Variants in AIG1 observed in about 807,000 individuals in gnomAD.
AIG1 encodes androgen induced 1.
Under a neutral mutation model 31.4 loss-of-function variants are expected in AIG1, and 23 were observed. That is an observed-to-expected ratio of 0.73 (90% CI 0.53 to 1.04). The LOEUF is 1.04. Ranked by LOEUF, AIG1 falls within the 50% of genes least tolerant of loss-of-function variation. The pLI, the probability that AIG1 is intolerant of heterozygous loss-of-function variation, is 0.00. For missense variants in AIG1, 274 were observed against 295.0 expected (o/e 0.93, Z 0.52); for synonymous variants, 100 against 110.5 (o/e 0.90, Z 0.60).
chr6:143,060,194 G>A (rs1330926687), upstream of AIG1, among the ~76,000 whole-genome samples: 1 of 152,182 alleles, frequency 6.6e-6, no homozygotes, highest in Non-Finnish European at 1.5e-5. Flanking sequence ...AATCTGTCAT[G>A]GAAAAGTGCT....
Position 143,061,117 on chromosome 6 carries a change from CGTGTGT to C in AIG1, c.141+77_141+82del, listed in dbSNP as rs138059311. ...GCCCCGCACCCCGTGCCTGTGTGTG[CGTGTGT>C]GTGTGTGTGTGTGTGTGTGTGTGTG... On this transcript the variant is annotated intron_variant, in intron 1 of 5. Transcript: ENST00000357847. The C allele has an allele frequency of 2.2e-3, 3,035 of 1,407,100 alleles. 9 individuals are homozygous for C. Among genetic ancestry groups the C allele is most frequent in the African/African-American group, 0.017 (1,195 of 68,754 alleles). The allele number at this position is 1,407,100 out of a possible 1,614,324, so 87.2% of individuals were successfully genotyped here. A position where few individuals can be genotyped will look rare whatever the true frequency, so the allele number is the denominator to read the frequency against.
intron 1 of AIG1, among the ~76,000 whole-genome samples, chr6:143,076,487 C>G (rs1777737281): frequency 6.6e-6 from 1 of 151,992 alleles, no homozygotes; most frequent in South Asian, 2.1e-4. Context: ...TTGTAGATAA[C>G]ATATAGTTGC....
Position 143,066,636 on chromosome 6 carries a change from G to A in AIG1, c.141+5570G>A, listed in dbSNP as rs567839383. 1.9e-3 allele frequency among the ~76,000 whole-genome samples: 290 copies of A among 152,234 alleles called. 2 individuals are homozygous for A. Among genetic ancestry groups the A allele is most frequent in the African/African-American group, 6.5e-3 (272 of 41,546 alleles). On this transcript the variant is annotated intron_variant, in intron 1 of 5. Transcript: ENST00000357847. ...TTTCACTGTGATATAACAAAAAAAT[G>A]TAAGAAATTACAATTTGAAAATAAA...
At chr6:143,115,528 T>C (rs944484556) in intron 1 of AIG1, among the ~76,000 whole-genome samples, 26 of 152,234 alleles carry the variant, frequency 1.7e-4, no homozygotes, top group African/African-American at 6.3e-4. Flanking sequence ...AAGCACTGCA[T>C]TGACTTTAAG....
chr6:143,096,695 A>C (rs981270129), intron 1 of AIG1, among the ~76,000 whole-genome samples: 1 of 152,218 alleles, frequency 6.6e-6, no homozygotes, highest in Non-Finnish European at 1.5e-5. Flanking sequence ...TGTCATGCTG[A>C]TATGGATGGC....
chr6:143,211,766 G>T (rs867469549), intron 3 of AIG1, among the ~76,000 whole-genome samples: 2 of 151,984 alleles, frequency 1.3e-5, no homozygotes, highest in African/African-American at 4.8e-5. Context: ...GGTGGCACAC[G>T]CTTGTAAGCC....
rs542809432 is a variant in AIG1 at position 143,279,775 on chromosome 6, A to G, written c.400-4335A>G. Among the ~76,000 whole-genome samples, 20 of 152,278 alleles carry G rather than the reference A, an allele frequency of 1.3e-4. No homozygotes were observed. The highest frequency in any genetic ancestry group is 4.6e-4 in the African/African-American group (19 of 41,564). On this transcript the variant is annotated intron_variant, in intron 3 of 5. Transcript: ENST00000357847. The surrounding 1 kb of genome is among the most constrained non-coding windows in gnomAD (Gnocchi z 5.4). The stretch of plus-strand genomic sequence containing the variant: ...ATTTAGGCTTCGTTTTTTGGACACA[A>G]TCTTCCAAATGATAGCTCCTCATTA...
intron 3 of AIG1, among the ~76,000 whole-genome samples, chr6:143,269,077 C>T (rs543664381): frequency 1.3e-5 from 2 of 152,296 alleles, no homozygotes; most frequent in East Asian, 1.9e-4. Flanking sequence ...CATTGCAAGG[C>T]CATACCTTCC....
chr6:143,340,034 T>C lies in AIG1; in HGVS notation c.*358T>C, dbSNP rs965252240. On this transcript the variant is annotated 3_prime_UTR_variant, in exon 6 of 6. Transcript: ENST00000357847. ...ATTGCACTTCTTTTTGAGAAATATGTTAAAGTCAAAGGGGCATATATAGAG... is the reference window on the plus strand; with the variant it reads ...ATTGCACTTCTTTTTGAGAAATATGCTAAAGTCAAAGGGGCATATATAGAG... 2 of 188,526 alleles carry C rather than the reference T, an allele frequency of 1.1e-5. No individual in the cohort carries two copies. Among genetic ancestry groups the C allele is most frequent in the Non-Finnish European group, 2.2e-5 (2 of 92,520 alleles). The allele number at this position is 188,526 out of a possible 1,614,324, so 11.7% of individuals were successfully genotyped here.
intron 5 of AIG1, chr6:143,335,592 A>G (rs1213711010): frequency 6.6e-6 from 1 of 152,188 alleles, no homozygotes. Flanking sequence ...GCTTCTTAGG[A>G]AATATTTTAA....
chr6:143,287,977 A>T (rs1182023427), intron 4 of AIG1, among the ~76,000 whole-genome samples: 1 of 152,184 alleles, frequency 6.6e-6, no homozygotes, highest in East Asian at 1.9e-4. Context: ...TAATTATAAA[A>T]GAATGATTAG....
At chr6:143,321,740 T>G (rs754279960) in intron 4 of AIG1, among the ~76,000 whole-genome samples, 3 of 152,094 alleles carry the variant, frequency 2.0e-5, no homozygotes, top group Non-Finnish European at 2.9e-5. Flanking sequence ...TATAAACATT[T>G]TAGAACTTTT....
At chr6:143,274,949 G>T (rs1227514229) in intron 3 of AIG1, among the ~76,000 whole-genome samples, 1 of 152,228 alleles carries the variant, frequency 6.6e-6, no homozygotes, top group Non-Finnish European at 1.5e-5. Flanking sequence ...TCAGTAAATG[G>T]TAGCTATTAT....
intron 3 of AIG1, among the ~76,000 whole-genome samples, chr6:143,257,063 G>A (rs1273617016): frequency 1.3e-5 from 2 of 152,202 alleles, no homozygotes; most frequent in Non-Finnish European, 2.9e-5. Flanking sequence ...GATATCTTAT[G>A]GCTTTCCAGT....
At chr6:143,080,355 C>G (rs1030685991) in intron 1 of AIG1, among the ~76,000 whole-genome samples, 22 of 152,116 alleles carry the variant, frequency 1.4e-4, no homozygotes, top group Non-Finnish European at 1.3e-4. Context: ...TTTGAAGAAC[C>G]ATTTGTAGTT....
intron 4 of AIG1, among the ~76,000 whole-genome samples, chr6:143,295,945 A>T (rs1798394940): frequency 6.6e-6 from 1 of 152,170 alleles, no homozygotes; most frequent in South Asian, 2.1e-4. Flanking sequence ...TTCTTTAGAC[A>T]TTACATCAAT....
chr6:143,170,232 C>T (rs545482139), intron 3 of AIG1, among the ~76,000 whole-genome samples: 115 of 152,046 alleles, frequency 7.6e-4, no homozygotes, highest in Non-Finnish European at 1.3e-3. Context: ...TTACATTGTT[C>T]GGATACTTTT....
Position 143,060,918 on chromosome 6 carries a change from T to C in AIG1, c.-8T>C. 1.2e-6 allele frequency: 2 copies of C among 1,602,172 alleles called. No individual in the cohort carries two copies. Among genetic ancestry groups the C allele is most frequent in the African/African-American group, 1.3e-5 (1 of 74,536 alleles). On this transcript the variant is annotated 5_prime_UTR_variant, in exon 1 of 6. Transcript: ENST00000357847. ...TTGCCGCCCAGCCGGTCCAGGCCTC[T>C]GGCGAACATGGCGCTTGTCCCCTGC...
chr6:143,141,606 G>T lies in AIG1; in HGVS notation c.297+4616G>T, dbSNP rs370232344. ...TACGAAGCTGGCCTTGATTAGTAAT[G>T]CTAATGGCCGGAAACCACCACCACT... On this transcript the variant is annotated intron_variant, in intron 2 of 5. Coordinates refer to ENST00000357847, the MANE Select transcript of AIG1 (RefSeq NM_016108.4). Among the ~76,000 whole-genome samples, 254 of 152,294 alleles carry T rather than the reference G, an allele frequency of 1.7e-3. 2 individuals carry two copies. The highest frequency in any genetic ancestry group is 5.8e-3 in the African/African-American group (243 of 41,546).
Sources: allele counts gnomAD v4.1 joint callset (sites outside exome capture counted in the v4.1 genomes callset), GRCh38; gene constraint gnomAD v4.1.1; non-coding constraint Gnocchi (gnomAD v3.1); transcripts MANE v1.5; gene names NCBI Gene and HGNC (gene_info 2026-07-23, HGNC 2026-07-21).